CADM2: variants seen among roughly 807,000 people sequenced by gnomAD.
CADM2 encodes the protein immunoglobulin superfamily member 4D.
In CADM2, 12 loss-of-function variants were observed where a neutral mutation model predicts 49.8. The observed-to-expected ratio is 0.24, with a 90% CI of 0.15 to 0.39. The LOEUF is 0.39. Ranked by LOEUF, CADM2 falls within the 10% of genes least tolerant of loss-of-function variation. The probability of loss-of-function intolerance (pLI) is 1.00; values close to 1 mark genes in which losing one functional copy is unlikely to be tolerated. For missense variants in CADM2, 378 were observed against 492.3 expected, an observed-to-expected ratio of 0.77 and a Z score of 2.20; for synonymous variants, 214 against 175.4, an observed-to-expected ratio of 1.22 and a Z score of -1.74.
At chr3:85,074,299 T>G (rs2107481618) in intron 1 of CADM2, among the ~76,000 whole-genome samples, 1 of 152,210 alleles carries the variant, frequency 6.6e-6, no homozygotes, top group Admixed American at 6.6e-5. Flanking sequence ...CTCCTTCAAA[T>G]CTTTGCTAAA....
intron 8 of CADM2, among the ~76,000 whole-genome samples, chr3:86,022,720 G>A (rs1733354937): frequency 6.6e-6 from 1 of 151,930 alleles, no homozygotes. Flanking sequence ...CTCATTTTCT[G>A]AACTACAAAT....
At chr3:85,112,654 C>A (rs2038502623) in intron 1 of CADM2, among the ~76,000 whole-genome samples, 1 of 151,614 alleles carries the variant, frequency 6.6e-6, no homozygotes, top group South Asian at 2.1e-4. Flanking sequence ...AATTTCTATT[C>A]CAAAATTATA....
At chr3:86,025,108 T>C (rs1733726946) in intron 8 of CADM2, among the ~76,000 whole-genome samples, 1 of 151,014 alleles carries the variant, frequency 6.6e-6, no homozygotes. Flanking sequence ...CAGGCCAGAG[T>C]GTAGTGGCAT....
At chr3:85,602,135 G>A (rs1003504025) in intron 1 of CADM2, among the ~76,000 whole-genome samples, 5 of 151,724 alleles carry the variant, frequency 3.3e-5, no homozygotes, top group Non-Finnish European at 7.4e-5. Flanking sequence ...GTCTGTTGAT[G>A]CTACAAAGGT....
At chr3:85,931,914 T>C (rs1167073569) in intron 6 of CADM2, among the ~76,000 whole-genome samples, 1 of 151,122 alleles carries the variant, frequency 6.6e-6, no homozygotes, top group Non-Finnish European at 1.5e-5. Flanking sequence ...AATTTATTAA[T>C]TATTAAAATT....
intron 2 of CADM2, 122 bp from the exon 3 acceptor site, chr3:85,801,925 T>C: frequency 2.7e-6 from 2 of 739,774 alleles, no homozygotes; most frequent in Non-Finnish European, 4.2e-6. Context: ...ATATACAGTT[T>C]TGTCGTTGTT....
chr3:85,467,055 T>C (rs1014580038), intron 1 of CADM2, among the ~76,000 whole-genome samples: 5 of 152,168 alleles, frequency 3.3e-5, no homozygotes, highest in African/African-American at 1.2e-4. Context: ...AAAATTCCTC[T>C]TAGACAGATG....
At chr3:85,083,944 A>C (rs2037273743) in intron 1 of CADM2, among the ~76,000 whole-genome samples, 1 of 152,198 alleles carries the variant, frequency 6.6e-6, no homozygotes, top group Admixed American at 6.6e-5. Context: ...GATCGATTGC[A>C]TTTCTACCCA....
intron 1 of CADM2, among the ~76,000 whole-genome samples, chr3:85,568,938 CAT>C (rs1206605917): frequency 6.6e-6 from 1 of 152,104 alleles, no homozygotes; most frequent in Non-Finnish European, 1.5e-5. Context: ...GGCACATTGA[CAT>C]AGTTTTTCAT....
intron 1 of CADM2, among the ~76,000 whole-genome samples, chr3:85,266,126 T>C (rs942582325): frequency 4.6e-5 from 7 of 151,896 alleles, no homozygotes; most frequent in Non-Finnish European, 8.8e-5. Flanking sequence ...CTCTGTTACC[T>C]GTCTGTAGGT....
chr3:85,683,947 T>A (rs1214039553), intron 1 of CADM2, among the ~76,000 whole-genome samples: 1 of 152,148 alleles, frequency 6.6e-6, no homozygotes, highest in South Asian at 2.1e-4. Context: ...TCTGTGTGTG[T>A]TTATGTGTCT....
intron 1 of CADM2, among the ~76,000 whole-genome samples, chr3:85,325,704 A>G (rs960059423): frequency 4.0e-5 from 6 of 151,850 alleles, no homozygotes; most frequent in Non-Finnish European, 5.9e-5. Context: ...AAAAAAAAAA[A>G]AAAAGTGTGA....
At chr3:85,778,220 T>C (rs1226375868) in intron 2 of CADM2, among the ~76,000 whole-genome samples, 1 of 152,224 alleles carries the variant, frequency 6.6e-6, no homozygotes, top group East Asian at 1.9e-4. Context: ...TTACAAATGA[T>C]GCCATTGTGT....
chr3:85,661,319 C>A (rs1332795448), intron 1 of CADM2, among the ~76,000 whole-genome samples: 1 of 152,038 alleles, frequency 6.6e-6, no homozygotes, highest in African/African-American at 2.4e-5. Context: ...CTTTGTAGAT[C>A]TGGGGAATGC....
intron 1 of CADM2, among the ~76,000 whole-genome samples, chr3:85,643,350 A>G (rs887816201): frequency 1.3e-5 from 2 of 152,204 alleles, no homozygotes; most frequent in East Asian, 3.9e-4. Flanking sequence ...TGTAGTGACA[A>G]GTAGACGTTA....
chr3:85,089,867 T>C (rs1419455279), intron 1 of CADM2, among the ~76,000 whole-genome samples: 5 of 152,202 alleles, frequency 3.3e-5, no homozygotes, highest in Non-Finnish European at 7.4e-5. Flanking sequence ...TTTTTCTACA[T>C]TGAGATTTTG....
intron 1 of CADM2, among the ~76,000 whole-genome samples, chr3:85,592,867 C>A (rs2107350240): frequency 6.6e-6 from 1 of 151,958 alleles, no homozygotes; most frequent in South Asian, 2.1e-4. Flanking sequence ...CTCCCAACCT[C>A]CGACAGGCCC....
chr3:85,739,087 C>T (rs2068269782), intron 2 of CADM2, among the ~76,000 whole-genome samples: 1 of 152,020 alleles, frequency 6.6e-6, no homozygotes, highest in South Asian at 2.1e-4. Context: ...ATAAACATCA[C>T]CATTTTGCCC....
chr3:85,026,354 TTATC>T (rs1486093215), intron 1 of CADM2, among the ~76,000 whole-genome samples: 12 of 152,188 alleles, frequency 7.9e-5, no homozygotes. Context: ...ACAATTATGA[TTATC>T]TAACTTAAAA....
Sources: allele counts gnomAD v4.1 joint callset (sites outside exome capture counted in the v4.1 genomes callset), GRCh38; gene constraint gnomAD v4.1.1; transcripts MANE v1.5; gene names NCBI Gene and HGNC (gene_info 2026-07-23, HGNC 2026-07-21).